STKLD1: variants seen among roughly 807,000 people sequenced by gnomAD.
The protein encoded by STKLD1 is serine/threonine kinase like domain containing 1.
In STKLD1, 79 loss-of-function variants were observed where a neutral mutation model predicts 80.4. The observed-to-expected ratio is 0.98, with a 90% CI of 0.82 to 1.19. STKLD1 has a LOEUF of 1.19. Among genes scored for constraint, STKLD1 ranks in the 50% most tolerant of loss-of-function variants. The probability of loss-of-function intolerance (pLI) is 0.00; values close to 1 mark genes in which losing one functional copy is unlikely to be tolerated. For synonymous variants in STKLD1, 393 were observed against 357.6 expected (o/e 1.10, Z -1.12); for missense variants, 841 against 856.0 (o/e 0.98, Z 0.22).
intron 4 of STKLD1, among the ~76,000 whole-genome samples, chr9:133,386,816 C>G (rs782620504): frequency 6.6e-6 from 1 of 152,202 alleles, no homozygotes; most frequent in Non-Finnish European, 1.5e-5. Flanking sequence ...TTCTGCCAGG[C>G]GCCAGCCTGC....
At chr9:133,392,619 A>ATGGC (rs1385565793) in intron 7 of STKLD1, among the ~76,000 whole-genome samples, 1 of 71,116 alleles carries the variant, frequency 1.4e-5, no homozygotes, top group Non-Finnish European at 2.7e-5. Flanking sequence ...GGATGGATGG[A>ATGGC]TGGATGGATG....
At chr9:133,400,262 G>C (rs1554777373) in intron 11 of STKLD1, 151 bp from the exon 12 acceptor site, 2 of 632,440 alleles carry the variant, frequency 3.2e-6, no homozygotes, top group Non-Finnish European at 2.8e-6. Context: ...TGCACTCCAT[G>C]GACCTAGCGC....
rs1368885191 is a variant in STKLD1 at position 133,376,471 on chromosome 9, A to G, written c.-3A>G. 5 of 1,584,734 alleles carry G rather than the reference A, an allele frequency of 3.2e-6. No homozygotes were observed. Among genetic ancestry groups the G allele is most frequent in the Non-Finnish European group, 2.6e-6 (3 of 1,168,048 alleles). On this transcript the variant is annotated 5_prime_UTR_variant, in exon 1 of 18. Transcript: ENST00000371957. ...GCTCGCCCGTACGCGGTCGCTACTG[A>G]TCATGCTTGGGCCAGGGTCCAATCG...
chr9:133,405,399 C>G lies in STKLD1; in HGVS notation c.2021C>G (p.Thr674Ser). Residue 674 changes from threonine to serine, a missense_variant, in exon 18 of 18, where the codon ACC becomes AGC. Coordinates refer to ENST00000371957, the MANE Select transcript of STKLD1 (RefSeq NM_153710.5). ...PPGGSPQLGC[T>S]TSGGLE ...GGTGGAAGCCCCCAGCTGGGGTGCA[C>G]CACGTCTGGGGGACTGGAATAGATG... is the stretch of plus-strand genomic sequence containing the variant. 3 of 1,610,322 alleles carry G rather than the reference C, an allele frequency of 1.9e-6. No individual in the cohort carries two copies. Among genetic ancestry groups the G allele is most frequent in the Non-Finnish European group, 2.5e-6 (3 of 1,179,716 alleles).
Position 133,384,070 on chromosome 9 carries a change from G to A in STKLD1, c.219+170G>A, listed in dbSNP as rs1838211245. 4.7e-6 allele frequency: 3 copies of A among 635,390 alleles called. No individual in the cohort carries two copies. The highest frequency in any genetic ancestry group is 8.4e-6 in the Non-Finnish European group (3 of 355,406). 39.4% of individuals were successfully genotyped at this position (635,390 alleles called of 1,614,324 possible). A position where few individuals can be genotyped will look rare whatever the true frequency, so the allele number is the denominator to read the frequency against. On this transcript the variant is annotated intron_variant, in intron 3 of 17. Coordinates refer to ENST00000371957, the MANE Select transcript of STKLD1 (RefSeq NM_153710.5). This position sits in a 1 kb window ranked among gnomAD's most constrained non-coding sequence, Gnocchi z 4.3. ...AGCCAGCAGCCCCAGGTCATGAAGG[G>A]AGTCCATGCCCCAAACACTCACTGC... is the stretch of plus-strand genomic sequence containing the variant.
chr9:133,387,642 C>G, intron 5 of STKLD1, 94 bp downstream of exon 5: 1 of 930,238 alleles, frequency 1.1e-6, no homozygotes, highest in Non-Finnish European at 1.8e-6. Context: ...AGGGCAGGCA[C>G]CATGGAGTCC....
chr9:133,394,329 A>G lies in STKLD1; in HGVS notation c.622A>G (p.Asn208Asp), dbSNP rs372003025. 2.5e-6 allele frequency: 4 copies of G among 1,613,674 alleles called. No homozygotes were observed. The highest frequency in any genetic ancestry group is 1.6e-4 in the Middle Eastern group (1 of 6,084). Residue 208 changes from asparagine (N) to aspartate (D), a missense_variant, in exon 8 of 18, where the codon AAC becomes GAC. By Grantham distance (23) the Asn-to-Asp change is conservative (BLOSUM62 1). Transcript: ENST00000371957. This position sits in a 1 kb window ranked among gnomAD's most constrained non-coding sequence, Gnocchi z 4.9. ...RKSWMAPEAL[N>D]FSFSQKSDIW... Reference sequence around the variant, plus strand: ...GTCCTGGATGGCCCCTGAAGCCCTCAACTTCTCCTTCAGCCAGAAATCAGA... The same window carrying G: ...GTCCTGGATGGCCCCTGAAGCCCTCGACTTCTCCTTCAGCCAGAAATCAGA...
intron 13 of STKLD1, among the ~76,000 whole-genome samples, chr9:133,402,498 A>G (rs1469228298): frequency 1.3e-5 from 2 of 152,236 alleles, no homozygotes; most frequent in Non-Finnish European, 2.9e-5. Flanking sequence ...ATAGATGTCA[A>G]CTGGAACCCT....
Position 133,404,067 on chromosome 9 carries a change from C to T in STKLD1, c.1732+19C>T, listed in dbSNP as rs200549314. The stretch of plus-strand genomic sequence containing the variant: ...GTGTCAGGTGAGCCTGGGGACAGGA[C>T]GAGGCTGCCACCTAGAGGTGGGGGC... On this transcript the variant is annotated intron_variant, in intron 16 of 17. Transcript: ENST00000371957. The T allele has an allele frequency of 1.1e-4, 174 of 1,568,658 alleles. No individual in the cohort carries two copies. The highest frequency in any genetic ancestry group is 6.7e-4 in the Admixed American group (35 of 52,418).
At chr9:133,401,907 C>T in intron 13 of STKLD1, 29 bp downstream of exon 13, 1 of 1,610,254 alleles carries the variant, frequency 6.2e-7, no homozygotes, top group Non-Finnish European at 8.5e-7. Context: ...TCCTGCCCCA[C>T]CCACGCTCCA....
At chr9:133,380,163 G>A (rs1838098128) in intron 2 of STKLD1, among the ~76,000 whole-genome samples, 1 of 152,130 alleles carries the variant, frequency 6.6e-6, no homozygotes, top group African/African-American at 2.4e-5. Flanking sequence ...AGCCTCCCAA[G>A]TAGCTGGGAC....
In STKLD1 at chr9:133,401,884, T is replaced by C. The variant is rs1554777744; in HGVS notation, c.1339+6T>C. The stretch of plus-strand genomic sequence containing the variant: ...AGCCATCACCACAACCCAGGGTGTG[T>C]CTGCCAGCCACCTCCTGCCCCACCC... On this transcript the variant is annotated splice_donor_region_variant and intron_variant, in intron 13 of 17. Transcript: ENST00000371957. The C allele has an allele frequency of 1.2e-6, 2 of 1,612,758 alleles. No homozygotes were observed. Among genetic ancestry groups the C allele is most frequent in the Admixed American group, 3.3e-5 (2 of 59,994 alleles).
At chr9:133,382,454 G>A (rs1838153463) in intron 2 of STKLD1, among the ~76,000 whole-genome samples, 2 of 152,184 alleles carry the variant, frequency 1.3e-5, no homozygotes, top group African/African-American at 4.8e-5. Flanking sequence ...AGTGATGATG[G>A]TGGTGATGAT....
In STKLD1 at chr9:133,394,062, A is replaced by T. The variant is rs1554776347; in HGVS notation, c.584-229A>T. 3 of 541,468 alleles carry T rather than the reference A, an allele frequency of 5.5e-6. No homozygotes were observed. Among genetic ancestry groups the T allele is most frequent in the Non-Finnish European group, 1.0e-5 (3 of 300,424 alleles). 33.5% of individuals were successfully genotyped at this position (541,468 alleles called of 1,614,324 possible). ...GCCTGGTGGGCACCCACCAAGATGG[A>T]CAGCTTCAGTGGCTCCAGATCAACA... On this transcript the variant is annotated intron_variant, in intron 7 of 17. Coordinates refer to ENST00000371957, the MANE Select transcript of STKLD1 (RefSeq NM_153710.5). This position sits in a 1 kb window ranked among gnomAD's most constrained non-coding sequence, Gnocchi z 4.9.
chr9:133,401,487 T>C (rs189791329), intron 12 of STKLD1, among the ~76,000 whole-genome samples: 54 of 152,222 alleles, frequency 3.5e-4, no homozygotes, highest in Admixed American at 2.2e-3. Flanking sequence ...ATGTTGAAAT[T>C]GTGTTCAGTG....
At chr9:133,400,156 C>G (rs771025893) in intron 11 of STKLD1, among the ~76,000 whole-genome samples, 9 of 152,204 alleles carry the variant, frequency 5.9e-5, no homozygotes, top group Non-Finnish European at 1.2e-4. Flanking sequence ...CTGCTGACCC[C>G]AGGTTCCTCA....
In STKLD1 at chr9:133,389,388, G is replaced by A; in HGVS notation, c.397-138G>A. ...CACGCTGAAGCCTCCTCCACCCTGA[G>A]CGCTTGGCTGGCTTCAGGCCTGTCT... On this transcript the variant is annotated intron_variant, in intron 5 of 17. Transcript: ENST00000371957. This position sits in a 1 kb window ranked among gnomAD's most constrained non-coding sequence, Gnocchi z 6.4. 1 of 1,459,744 alleles carries A rather than the reference G, an allele frequency of 6.9e-7. No individual in the cohort carries two copies. The highest frequency in any genetic ancestry group is 1.4e-5 in the South Asian group (1 of 72,608). The allele number at this position is 1,459,744 out of a possible 1,614,324, so 90.4% of individuals were successfully genotyped here. A position where few individuals can be genotyped will look rare whatever the true frequency, so the allele number is the denominator to read the frequency against.
chr9:133,403,867 G>A lies in STKLD1; in HGVS notation c.1603+39G>A, dbSNP rs114437924. The A allele has an allele frequency of 2.6e-3, 4,110 of 1,611,532 alleles. 69 individuals carry two copies. In the African/African-American group the frequency reaches 0.044, roughly 17 times the overall value. On this transcript the variant is annotated intron_variant, in intron 15 of 17. Coordinates refer to ENST00000371957, the MANE Select transcript of STKLD1 (RefSeq NM_153710.5). ...GCGCCCTGGGCCCCTGGGGCTGGGA[G>A]GGGTGGGCCTCATGGCACAGCAGGC... is the stretch of plus-strand genomic sequence containing the variant.
rs2130279767 is a variant in STKLD1 at position 133,387,512 on chromosome 9, G to A, written c.360G>A (p.Glu120=). Residue 120 remains glutamate (E), a synonymous_variant, in exon 5 of 18, where the codon GAG becomes GAA. Coordinates refer to ENST00000371957, the MANE Select transcript of STKLD1 (RefSeq NM_153710.5). ...AGCTCAGCTTCCAGGAGGTCATTGA[G>A]GATAAGAGGAAGGCAAAGAAAATCA... is the stretch of plus-strand genomic sequence containing the variant. ...FNELSFQEVI[E]DKRKAKKIID... The A allele has an allele frequency of 6.2e-7, 1 of 1,614,106 alleles. No individual in the cohort carries two copies. The highest frequency in any genetic ancestry group is 8.5e-7 in the Non-Finnish European group (1 of 1,180,020).
Sources: gnomAD v4.1 joint callset for allele counts (sites outside exome capture counted in the v4.1 genomes callset) on GRCh38, gnomAD v4.1.1 for gene constraint, Gnocchi (gnomAD v3.1) non-coding constraint, MANE v1.5 for transcripts, NCBI Gene and HGNC (gene_info 2026-07-23, HGNC 2026-07-21) for gene names.